RTKN2: variants seen among roughly 807,000 people sequenced by gnomAD.
The protein encoded by RTKN2 is rhotekin-2.
A neutral mutation model predicts 71.5 loss-of-function variants in RTKN2; 69 were observed. The ratio of observed to expected loss-of-function variants is 0.96; its 90% confidence interval spans 0.79 to 1.18. The LOEUF (loss-of-function observed/expected upper bound fraction) is 1.18, where lower values mean the gene tolerates loss of function less well. Among genes scored for constraint, RTKN2 ranks in the 50% most tolerant of loss-of-function variants. The probability of loss-of-function intolerance (pLI) is 0.00; values close to 1 mark genes in which losing one functional copy is unlikely to be tolerated. For synonymous variants in RTKN2, 236 were observed against 236.5 expected (o/e 1.00, Z 0.02); for missense variants, 724 against 719.7 (o/e 1.01, Z -0.07).
At chr10:62,257,115 G>A (rs1423015781) in intron 2 of RTKN2, among the ~76,000 whole-genome samples, 1 of 152,188 alleles carries the variant, frequency 6.6e-6, no homozygotes, top group African/African-American at 2.4e-5. Context: ...TGTTCTGCGG[G>A]ATATAAGGTA....
intron 6 of RTKN2, among the ~76,000 whole-genome samples, chr10:62,225,734 C>T (rs574996075): frequency 9.2e-5 from 14 of 151,396 alleles, no homozygotes; most frequent in African/African-American, 3.2e-4. Context: ...CCTGGCACTT[C>T]GTGGTGATAA....
In RTKN2 at chr10:62,194,553, T is replaced by C. The variant is rs1841285037; in HGVS notation, c.*3355A>G. ...GACAGATATTTTTCTTGCAGAGCAG[T>C]TCTTGCTCATGGTGCAATGCAGTAC... On this transcript the variant is annotated 3_prime_UTR_variant, in exon 12 of 12. Transcript: ENST00000373789. 1.0e-6 allele frequency: 1 copy of C among 985,284 alleles called. No individual in the cohort carries two copies. Among genetic ancestry groups the C allele is most frequent in the African/African-American group, 1.7e-5 (1 of 57,234 alleles). The allele number at this position is 985,284 out of a possible 1,614,324, so 61.0% of individuals were successfully genotyped here. A position where few individuals can be genotyped will look rare whatever the true frequency, so the allele number is the denominator to read the frequency against.
chr10:62,226,861 T>G (rs958833801), intron 6 of RTKN2, among the ~76,000 whole-genome samples: 1 of 152,052 alleles, frequency 6.6e-6, no homozygotes, highest in Non-Finnish European at 1.5e-5. Flanking sequence ...TTTGGGAGGG[T>G]GAGGCAGGAG....
intron 9 of RTKN2, among the ~76,000 whole-genome samples, chr10:62,205,657 A>G (rs531952345): frequency 6.6e-6 from 1 of 152,352 alleles, no homozygotes; most frequent in East Asian, 1.9e-4. Context: ...AGTGCTAAGT[A>G]CAACACTACC....
At chr10:62,232,453 T>A (rs937166136) in intron 6 of RTKN2, among the ~76,000 whole-genome samples, 3 of 151,756 alleles carry the variant, frequency 2.0e-5, no homozygotes, top group Non-Finnish European at 4.4e-5. Context: ...TAGTTGGGAC[T>A]ACAGCTGGGG....
chr10:62,268,680 G>A lies in RTKN2; in HGVS notation c.-70C>T. 4.0e-6 allele frequency: 6 copies of A among 1,490,938 alleles called. No homozygotes were observed. Among genetic ancestry groups the A allele is most frequent in the Non-Finnish European group, 5.5e-6 (6 of 1,100,382 alleles). The allele number at this position is 1,490,938 out of a possible 1,614,324, so 92.4% of individuals were successfully genotyped here. Reference sequence around the variant, plus strand: ...AGATTTGAAAAGCCCGCCCCTGGCAGGAGCCGCAGAGGACGCCAACCGCCC... The same window carrying A: ...AGATTTGAAAAGCCCGCCCCTGGCAAGAGCCGCAGAGGACGCCAACCGCCC... On this transcript the variant is annotated 5_prime_UTR_variant, in exon 1 of 12. Coordinates refer to ENST00000373789, the MANE Select transcript of RTKN2 (RefSeq NM_145307.4).
chr10:62,259,905 T>C (rs56692867), intron 2 of RTKN2, among the ~76,000 whole-genome samples: 153 of 152,302 alleles, frequency 1.0e-3, no homozygotes, highest in African/African-American at 3.5e-3. Context: ...CTACCTGGAC[T>C]CTATCCATCC....
chr10:62,241,025 C>T (rs1010269647), intron 4 of RTKN2, 117 bp downstream of exon 4: 8 of 602,314 alleles, frequency 1.3e-5, no homozygotes, highest in Admixed American at 1.0e-4. Context: ...CAAGATGCTG[C>T]TTATTCTTTC....
chr10:62,194,236 G>A lies in RTKN2; in HGVS notation c.*3672C>T. On this transcript the variant is annotated 3_prime_UTR_variant, in exon 12 of 12. Transcript: ENST00000373789. ...TGACTTGTCTTTTAAAAACCCAAAG[G>A]TAACATCTTTCCCAGAGTTAACTAA... 1 of 984,904 alleles carries A rather than the reference G, an allele frequency of 1.0e-6. No individual in the cohort carries two copies. The allele number at this position is 984,904 out of a possible 1,614,324, so 61.0% of individuals were successfully genotyped here. A position where few individuals can be genotyped will look rare whatever the true frequency, so the allele number is the denominator to read the frequency against.
At chr10:62,267,896 G>T (rs1311643199) in intron 1 of RTKN2, among the ~76,000 whole-genome samples, 2 of 152,196 alleles carry the variant, frequency 1.3e-5, no homozygotes, top group Admixed American at 6.5e-5. Flanking sequence ...ATGCTGCCAA[G>T]AAATAATGTT....
Position 62,202,610 on chromosome 10 carries a change from A to C in RTKN2, c.1186+2247T>G, listed in dbSNP as rs116770071. Among the ~76,000 whole-genome samples the C allele has an allele frequency of 1.5e-3, 234 of 152,340 alleles. 1 individual carries two copies. Among genetic ancestry groups the C allele is most frequent in the African/African-American group, 5.5e-3 (228 of 41,584 alleles). On this transcript the variant is annotated intron_variant, in intron 10 of 11. Coordinates refer to ENST00000373789, the MANE Select transcript of RTKN2 (RefSeq NM_145307.4). The stretch of plus-strand genomic sequence containing the variant: ...AAAATTACATAGGTTGGCAGTTTTT[A>C]TGCAAAAAAGCATTAAATACCAAAA...
rs181524533 is a variant in RTKN2 at position 62,230,827 on chromosome 10, T to A, written c.686+5239A>T. 2.8e-4 allele frequency among the ~76,000 whole-genome samples: 42 copies of A among 152,306 alleles called. No homozygotes were observed. In the East Asian group the frequency reaches 7.7e-3, roughly 28 times the overall value. On this transcript the variant is annotated intron_variant, in intron 6 of 11. Coordinates refer to ENST00000373789, the MANE Select transcript of RTKN2 (RefSeq NM_145307.4). ...GCTTTATAACTCATTAATAAATAGTTTAAGATACTTTTTCCTTTAAAACAA... is the reference window on the plus strand; with the variant it reads ...GCTTTATAACTCATTAATAAATAGTATAAGATACTTTTTCCTTTAAAACAA...
At chr10:62,199,223 G>T (rs1157277388) in intron 11 of RTKN2, among the ~76,000 whole-genome samples, 2 of 152,102 alleles carry the variant, frequency 1.3e-5, no homozygotes, top group African/African-American at 4.8e-5. Flanking sequence ...ATTTACTGAG[G>T]CAACAGCACA....
In RTKN2 at chr10:62,241,200, AAAG is replaced by A. The variant is rs760046578; in HGVS notation, c.317-8_317-6del. 5.8e-6 allele frequency: 9 copies of A among 1,546,334 alleles called. No homozygotes were observed. The highest frequency in any genetic ancestry group is 1.2e-5 in the South Asian group (1 of 86,498). Reference sequence around the variant, plus strand: ...ACATTAGTGGTATTCGAATATCTATAAAGAAGGGAAAAAGAAATGACAAGTAAT... The same window carrying A: ...ACATTAGTGGTATTCGAATATCTATAAAGGGAAAAAGAAATGACAAGTAAT... On this transcript the variant is annotated splice_polypyrimidine_tract_variant and splice_region_variant and intron_variant, in intron 3 of 11. Coordinates refer to ENST00000373789, the MANE Select transcript of RTKN2 (RefSeq NM_145307.4).
chr10:62,257,049 CTTTA>C (rs1842689069), intron 2 of RTKN2, among the ~76,000 whole-genome samples: 1 of 152,092 alleles, frequency 6.6e-6, no homozygotes, highest in African/African-American at 2.4e-5. Context: ...CAAGGCAAAA[CTTTA>C]TTTATGAAGC....
At chr10:62,218,169 T>C in intron 8 of RTKN2, 26 bp downstream of exon 8, 1 of 1,393,600 alleles carries the variant, frequency 7.2e-7, no homozygotes, top group Non-Finnish European at 1.0e-6. Context: ...GCTACAATTG[T>C]TGTAGGATAT....
intron 6 of RTKN2, 150 bp downstream of exon 6, chr10:62,235,916 C>T: frequency 1.6e-6 from 1 of 622,596 alleles, no homozygotes. Flanking sequence ...ATTAAGGATA[C>T]CTCAGTTGAG....
chr10:62,239,871 T>C, intron 4 of RTKN2, 106 bp from the exon 5 acceptor site: 1 of 664,216 alleles, frequency 1.5e-6, no homozygotes. Context: ...TAGATTCTTT[T>C]CATACATTGT....
intron 2 of RTKN2, among the ~76,000 whole-genome samples, chr10:62,250,239 G>C (rs1388596494): frequency 6.6e-6 from 1 of 152,220 alleles, no homozygotes; most frequent in Non-Finnish European, 1.5e-5. Context: ...GGTTCCAGGA[G>C]AGGTAAAAGA....
Sources: allele counts gnomAD v4.1 joint callset (sites outside exome capture counted in the v4.1 genomes callset), GRCh38; gene constraint gnomAD v4.1.1; transcripts MANE v1.5; gene names NCBI Gene and HGNC (gene_info 2026-07-23, HGNC 2026-07-21).